The following STX18 variants were observed in gnomAD, a reference collection of about 807,000 sequenced individuals.
STX18 encodes syntaxin-18.
Under a neutral mutation model 50.1 loss-of-function variants are expected in STX18, and 40 were observed. The observed-to-expected ratio is 0.80, with a 90% CI of 0.62 to 1.04. The LOEUF is 1.04. Ranked by LOEUF, STX18 falls within the 50% of genes least tolerant of loss-of-function variation. STX18 has a pLI of 0.00. For missense variants in STX18, 410 were observed against 415.8 expected (o/e 0.99, Z 0.12); for synonymous variants, 158 against 151.8 (o/e 1.04, Z -0.30).
chr4:4,463,049 C>T (rs1052088260), intron 2 of STX18, among the ~76,000 whole-genome samples: 6 of 152,228 alleles, frequency 3.9e-5, no homozygotes, highest in Admixed American at 1.3e-4. Flanking sequence ...GAAGAACACC[C>T]GGATGCCACT....
At chr4:4,471,374 T>C (rs1430695055) in intron 2 of STX18, among the ~76,000 whole-genome samples, 1 of 152,194 alleles carries the variant, frequency 6.6e-6, no homozygotes, top group Non-Finnish European at 1.5e-5. Context: ...CTGTAAGTAC[T>C]CATGGAGTTT....
rs142565009 is a variant in STX18, at chr4:4,505,880, C to T, written c.169-34174G>A. Among the ~76,000 whole-genome samples the T allele has an allele frequency of 5.1e-4, 78 of 152,316 alleles. 1 individual carries two copies. In the East Asian group the frequency reaches 0.015, roughly 29 times the overall value. Reference sequence around the variant, plus strand: ...GAAAGTTGAAAAATCATGTCCTGAACCTTAGTAAGTCGGAGACCATGTGTA... The same window carrying T: ...GAAAGTTGAAAAATCATGTCCTGAATCTTAGTAAGTCGGAGACCATGTGTA... On this transcript the variant is annotated intron_variant, in intron 1 of 10. Transcript: ENST00000306200.
At chr4:4,461,951 G>A (rs1290739276) in intron 2 of STX18, 2 of 456,160 alleles carry the variant, frequency 4.4e-6, no homozygotes, top group Admixed American at 4.7e-5. Context: ...CTCCTATGTT[G>A]CAAAGGGGCC....
chr4:4,462,714 G>C (rs1727444897), intron 2 of STX18, among the ~76,000 whole-genome samples: 1 of 151,914 alleles, frequency 6.6e-6, no homozygotes, highest in Admixed American at 6.6e-5. Context: ...AAAAGACTGA[G>C]TTTCTAGAAT....
At position 4,515,184 on chromosome 4, in the gene STX18, A is replaced by C. The variant is rs182318568; in HGVS notation, c.168+26613T>G. The stretch of plus-strand genomic sequence containing the variant: ...AATGAATAAAACTTTAAAAAATAAT[A>C]ATATAATATACTAGGAATGGTTGTA... On this transcript the variant is annotated intron_variant, in intron 1 of 10. Coordinates refer to ENST00000306200, the MANE Select transcript of STX18 (RefSeq NM_016930.4). 3.5e-3 allele frequency among the ~76,000 whole-genome samples: 537 copies of C among 152,214 alleles called. 3 individuals are homozygous for C. The highest frequency in any genetic ancestry group is 0.013 in the African/African-American group (525 of 41,558).
At chr4:4,541,450 T>G (rs1179646441) in intron 1 of STX18, among the ~76,000 whole-genome samples, 4 of 152,152 alleles carry the variant, frequency 2.6e-5, no homozygotes, top group African/African-American at 9.7e-5. Flanking sequence ...AGCGAAGGAC[T>G]GTCAGGAGGT....
intron 1 of STX18, among the ~76,000 whole-genome samples, chr4:4,506,589 A>G (rs966781866): frequency 6.6e-6 from 1 of 152,208 alleles, no homozygotes; most frequent in African/African-American, 2.4e-5. Context: ...CCTAATAGGG[A>G]AATGGCTATA....
chr4:4,483,907 G>T (rs2108853220), intron 1 of STX18, among the ~76,000 whole-genome samples: 1 of 151,896 alleles, frequency 6.6e-6, no homozygotes, highest in Non-Finnish European at 1.5e-5. Context: ...TGTTGCCCAG[G>T]CTGGAGTGCA....
At chr4:4,427,119 T>C (rs1018871914) in intron 7 of STX18, among the ~76,000 whole-genome samples, 15 of 152,208 alleles carry the variant, frequency 9.9e-5, no homozygotes, top group Admixed American at 7.2e-4. Flanking sequence ...CTGTCCTCCT[T>C]TGGACACTGA....
chr4:4,462,879 G>A (rs1211179738), intron 2 of STX18, among the ~76,000 whole-genome samples: 1 of 152,156 alleles, frequency 6.6e-6, no homozygotes, highest in African/African-American at 2.4e-5. Flanking sequence ...GAAAGGGGAA[G>A]GCTTAGGCCC....
chr4:4,501,840 T>C (rs979095189), intron 1 of STX18, among the ~76,000 whole-genome samples: 4 of 152,232 alleles, frequency 2.6e-5, no homozygotes, highest in African/African-American at 9.6e-5. Context: ...TGATTCTCAA[T>C]TCAGGCTCCA....
rs565882192 is a variant in STX18, at chr4:4,469,177, T to C, written c.236+2462A>G. On this transcript the variant is annotated intron_variant, in intron 2 of 10. Coordinates refer to ENST00000306200, the MANE Select transcript of STX18 (RefSeq NM_016930.4). ...CATATGGTTGGCGCAGAGTAAAAGG[T>C]GAGGAAGCAGAGGTCACGTCACCTG... Among the ~76,000 whole-genome samples the C allele has an allele frequency of 3.3e-5, 5 of 152,112 alleles. No individual in the cohort carries two copies. In the South Asian group the frequency reaches 1.0e-3, roughly 32 times the overall value.
At chr4:4,499,177 G>A (rs1412921470) in intron 1 of STX18, among the ~76,000 whole-genome samples, 1 of 152,156 alleles carries the variant, frequency 6.6e-6, no homozygotes, top group Non-Finnish European at 1.5e-5. Flanking sequence ...CTTTATTAAT[G>A]CACAACCCAT....
At chr4:4,455,042 G>A (rs1416948268) in intron 5 of STX18, among the ~76,000 whole-genome samples, 1 of 152,096 alleles carries the variant, frequency 6.6e-6, no homozygotes, top group African/African-American at 2.4e-5. Flanking sequence ...GGAAACAAAA[G>A]CCCAGAAAAG....
chr4:4,518,230 G>A (rs1029837756), intron 1 of STX18, among the ~76,000 whole-genome samples: 4 of 152,028 alleles, frequency 2.6e-5, no homozygotes, highest in Admixed American at 1.3e-4. Flanking sequence ...TTCTTATAAC[G>A]GTTTGTTAAA....
At chr4:4,452,343 T>C (rs1450533245) in intron 5 of STX18, among the ~76,000 whole-genome samples, 3 of 152,200 alleles carry the variant, frequency 2.0e-5, no homozygotes, top group Non-Finnish European at 4.4e-5. Flanking sequence ...TTGATCAAAG[T>C]GGCTATACTA....
chr4:4,503,969 C>T (rs920489661), intron 1 of STX18, among the ~76,000 whole-genome samples: 2 of 152,136 alleles, frequency 1.3e-5, no homozygotes, highest in Middle Eastern at 3.4e-3. Flanking sequence ...TTAATAGATA[C>T]ATATGAGCGG....
intron 2 of STX18, among the ~76,000 whole-genome samples, chr4:4,466,470 A>T (rs907172112): frequency 8.5e-5 from 13 of 152,196 alleles, no homozygotes; most frequent in Admixed American, 7.2e-4. Context: ...AGAGGGAAGC[A>T]CGTGATTCCA....
At chr4:4,445,900 T>C (rs1434900692) in intron 5 of STX18, among the ~76,000 whole-genome samples, 1 of 152,140 alleles carries the variant, frequency 6.6e-6, no homozygotes, top group Non-Finnish European at 1.5e-5. Context: ...TTTAGAAATT[T>C]GAAGGATTTA....
Sources: gnomAD v4.1 joint callset for allele counts (sites outside exome capture counted in the v4.1 genomes callset) on GRCh38, gnomAD v4.1.1 for gene constraint, MANE v1.5 for transcripts, NCBI Gene and HGNC (gene_info 2026-07-23, HGNC 2026-07-21) for gene names.